Variants in XPO4 observed in about 807,000 individuals in gnomAD.
XPO4 encodes the protein exportin 4, also known as exportin-4.
In XPO4, 39 loss-of-function variants were observed where a neutral mutation model predicts 143.0. The observed-to-expected ratio is 0.27, with a 90% confidence interval of 0.21 to 0.36. The LOEUF (loss-of-function observed/expected upper bound fraction) is 0.36, where lower values mean the gene tolerates loss of function less well. Among genes scored for constraint, XPO4 ranks in the 10% least tolerant of loss-of-function variants. The pLI, the probability that XPO4 is intolerant of heterozygous loss-of-function variation, is 1.00. For missense variants in XPO4, 907 were observed against 1,348.0 expected (o/e 0.67, Z 5.12); for synonymous variants, 439 against 474.0 (o/e 0.93, Z 0.96).
intron 9 of XPO4, among the ~76,000 whole-genome samples, chr13:20,817,545 C>T (rs1479065147): frequency 6.6e-6 from 1 of 152,174 alleles, no homozygotes; most frequent in Non-Finnish European, 1.5e-5. Context: ...ATACACAACA[C>T]ATACATCAAA....
intron 13 of XPO4, among the ~76,000 whole-genome samples, chr13:20,806,735 T>G (rs1479777980): frequency 1.3e-5 from 2 of 151,670 alleles, no homozygotes; most frequent in African/African-American, 4.8e-5. Flanking sequence ...GCAGGTTTAG[T>G]AGAGACAGGG....
At chr13:20,833,969 T>C (rs1238400196) in intron 6 of XPO4, among the ~76,000 whole-genome samples, 1 of 152,110 alleles carries the variant, frequency 6.6e-6, no homozygotes, top group Admixed American at 6.5e-5. Context: ...CAGGACACTT[T>C]CTTTGCACAA....
intron 2 of XPO4, chr13:20,866,056 G>A: frequency 1.0e-6 from 1 of 985,356 alleles, no homozygotes; most frequent in Non-Finnish European, 1.2e-6. Flanking sequence ...TCCAGAAGAA[G>A]TAAGCCAATC....
chr13:20,801,327 T>C (rs1197577668), intron 13 of XPO4, among the ~76,000 whole-genome samples: 1 of 152,218 alleles, frequency 6.6e-6, no homozygotes, highest in Non-Finnish European at 1.5e-5. Context: ...AATTAAATCT[T>C]CAGAGTACAT....
chr13:20,831,169 A>G (rs1031895163), intron 6 of XPO4, among the ~76,000 whole-genome samples: 3 of 152,164 alleles, frequency 2.0e-5, no homozygotes, highest in African/African-American at 7.2e-5. Flanking sequence ...TTAACTTAAA[A>G]AACAAACAGA....
intron 3 of XPO4, among the ~76,000 whole-genome samples, chr13:20,858,573 T>TA (rs2060166688): frequency 1.3e-5 from 2 of 151,814 alleles, no homozygotes; most frequent in South Asian, 4.1e-4. Context: ...ATGTTTGAGA[T>TA]AAAAAATATG....
In XPO4 at chr13:20,850,713, T is replaced by C. The variant is rs867250178; in HGVS notation, c.456+4914A>G. On this transcript the variant is annotated intron_variant, in intron 4 of 22. Transcript: ENST00000255305. ...CCAGGTGATCGAGGCAGCAGTGAGT[T>C]ATGAACATGTCACTGCACTTCAGCC... 9.2e-5 allele frequency: 75 copies of C among 814,728 alleles called. No homozygotes were observed. In the Middle Eastern group the frequency reaches 3.1e-3, roughly 34 times the overall value. 50.5% of individuals were successfully genotyped at this position (814,728 alleles called of 1,614,324 possible). A position where few individuals can be genotyped will look rare whatever the true frequency, so the allele number is the denominator to read the frequency against.
chr13:20,891,743 G>A (rs2060518966), intron 1 of XPO4, among the ~76,000 whole-genome samples: 1 of 151,586 alleles, frequency 6.6e-6, no homozygotes, highest in South Asian at 2.1e-4. Flanking sequence ...TATGCCTGTA[G>A]TCCCAGCTAC....
At chr13:20,875,894 G>A (rs956803018) in intron 1 of XPO4, among the ~76,000 whole-genome samples, 1 of 151,940 alleles carries the variant, frequency 6.6e-6, no homozygotes, top group Non-Finnish European at 1.5e-5. Context: ...TCCCAATAGG[G>A]TTTATATGAC....
At chr13:20,849,203 G>A in intron 4 of XPO4, 1 of 985,392 alleles carries the variant, frequency 1.0e-6, no homozygotes, top group Non-Finnish European at 1.2e-6. Flanking sequence ...TAAACTTTAT[G>A]AAAGGTTGCC....
intron 1 of XPO4, among the ~76,000 whole-genome samples, chr13:20,882,682 G>A (rs947954445): frequency 1.4e-4 from 21 of 152,132 alleles, no homozygotes; most frequent in African/African-American, 4.6e-4. Context: ...GGGGTCAGGA[G>A]TTTGGGACCA....
intron 1 of XPO4, among the ~76,000 whole-genome samples, chr13:20,874,235 G>A (rs578245736): frequency 3.3e-5 from 5 of 152,242 alleles, no homozygotes; most frequent in Admixed American, 6.5e-5. Context: ...GAAAATGTGA[G>A]AATATTAAAG....
At chr13:20,880,600 A>C (rs774619180) in intron 1 of XPO4, among the ~76,000 whole-genome samples, 3 of 152,266 alleles carry the variant, frequency 2.0e-5, no homozygotes, top group Non-Finnish European at 4.4e-5. Context: ...AATGTTCACT[A>C]AAGAATGAAT....
intron 6 of XPO4, among the ~76,000 whole-genome samples, chr13:20,837,207 G>A (rs1440992418): frequency 2.6e-5 from 4 of 152,042 alleles, no homozygotes; most frequent in African/African-American, 4.8e-5. Flanking sequence ...CTTGTGTGGG[G>A]CTGTCCCGTG....
At chr13:20,790,660 A>C in intron 18 of XPO4, 80 bp from the exon 19 acceptor site, 1 of 1,095,394 alleles carries the variant, frequency 9.1e-7, no homozygotes, top group South Asian at 1.3e-5. Context: ...TTATGAAAAT[A>C]AACTCACCCC....
intron 4 of XPO4, among the ~76,000 whole-genome samples, chr13:20,853,727 C>A (rs1595133326): frequency 6.6e-6 from 1 of 152,118 alleles, no homozygotes; most frequent in Non-Finnish European, 1.5e-5. Flanking sequence ...CTATCCAATA[C>A]GTTTGTCACT....
rs1186110873 is a variant in XPO4 at position 20,843,727 on chromosome 13, G to C, written c.573+43C>G. Reference sequence around the variant, plus strand: ...ATTAGGAATAGATTGAGTAAAAAGTGAATGATCCAATAATTAAAACTCAAG... The same window carrying C: ...ATTAGGAATAGATTGAGTAAAAAGTCAATGATCCAATAATTAAAACTCAAG... On this transcript the variant is annotated intron_variant, in intron 5 of 22. Transcript: ENST00000255305. 3.7e-6 allele frequency: 5 copies of C among 1,361,576 alleles called. No homozygotes were observed. In the African/African-American group the frequency reaches 4.3e-5, roughly 12 times the overall value. 84.3% of individuals were successfully genotyped at this position (1,361,576 alleles called of 1,614,324 possible).
intron 1 of XPO4, among the ~76,000 whole-genome samples, chr13:20,887,844 G>C (rs1361518804): frequency 2.1e-5 from 3 of 145,772 alleles, no homozygotes; most frequent in Non-Finnish European, 4.5e-5. Context: ...CTGGGCGACA[G>C]TCAGACTCTG....
chr13:20,809,763 G>A, intron 10 of XPO4, 28 bp downstream of exon 10: 1 of 1,578,972 alleles, frequency 6.3e-7, no homozygotes, highest in Admixed American at 1.8e-5. Context: ...GAAATAGACT[G>A]TTAATTACCA....
Sources: gnomAD v4.1 joint callset for allele counts (sites outside exome capture counted in the v4.1 genomes callset) on GRCh38, gnomAD v4.1.1 for gene constraint, MANE v1.5 for transcripts, NCBI Gene and HGNC (gene_info 2026-07-23, HGNC 2026-07-21) for gene names.